Variants in JARID2 observed in about 807,000 individuals in gnomAD.
JARID2 encodes the protein protein Jumonji.
Under a neutral mutation model 125.6 loss-of-function variants are expected in JARID2, and 21 were observed. The ratio of observed to expected loss-of-function variants is 0.17; its 90% CI spans 0.12 to 0.24. JARID2 has a LOEUF of 0.24. JARID2 is among the 10% of genes least tolerant of loss of function. The pLI, the probability that JARID2 is intolerant of heterozygous loss-of-function variation, is 1.00. For synonymous variants in JARID2, 736 were observed against 661.6 expected, an observed-to-expected ratio of 1.11 and a Z score of -1.73; for missense variants, 1,303 against 1,639.6, an observed-to-expected ratio of 0.79 and a Z score of 3.55.
intron 1 of JARID2, among the ~76,000 whole-genome samples, chr6:15,253,437 C>T (rs1474812928): frequency 6.6e-6 from 1 of 151,890 alleles, no homozygotes; most frequent in Non-Finnish European, 1.5e-5. Context: ...TCATTTTGCT[C>T]TTGGTGGAAG....
chr6:15,415,311 T>C (rs987249675), intron 3 of JARID2, among the ~76,000 whole-genome samples: 1 of 152,216 alleles, frequency 6.6e-6, no homozygotes, highest in African/African-American at 2.4e-5. Context: ...TCATGGCCCG[T>C]TCCCAATGAG....
chr6:15,427,590 T>C (rs894133365), intron 3 of JARID2, among the ~76,000 whole-genome samples: 1 of 152,024 alleles, frequency 6.6e-6, no homozygotes, highest in African/African-American at 2.4e-5. Flanking sequence ...TTTTAAACAG[T>C]AACATTTTTG....
chr6:15,513,057 C>T lies in JARID2; in HGVS notation c.3266+12C>T, dbSNP rs993645634. The T allele has an allele frequency of 1.2e-6, 2 of 1,613,916 alleles. No individual in the cohort carries two copies. Among genetic ancestry groups the T allele is most frequent in the African/African-American group, 2.7e-5 (2 of 74,914 alleles). On this transcript the variant is annotated intron_variant, in intron 15 of 17. Transcript: ENST00000341776. ...CTGGATGAGCTCAGGTAACAGACCC[C>T]CAGAGCCCACGCCAGAGAGCTGGAC... is the stretch of plus-strand genomic sequence containing the variant.
intron 1 of JARID2, among the ~76,000 whole-genome samples, chr6:15,252,242 C>T (rs1759484687): frequency 1.3e-5 from 2 of 151,948 alleles, no homozygotes; most frequent in Non-Finnish European, 2.9e-5. Context: ...CCCATGGCCT[C>T]ATATCAAAAA....
At chr6:15,469,360 T>G (rs1561884719) in intron 5 of JARID2, among the ~76,000 whole-genome samples, 1 of 7,668 alleles carries the variant, frequency 1.3e-4, no homozygotes, top group Non-Finnish European at 2.7e-4. Flanking sequence ...TCTCTCTCTC[T>G]CCTCCCCTTC....
chr6:15,395,055 CAACA>C (rs938827127), intron 2 of JARID2, among the ~76,000 whole-genome samples: 9 of 151,982 alleles, frequency 5.9e-5, no homozygotes, highest in African/African-American at 1.4e-4. Flanking sequence ...TTGTATTAAC[CAACA>C]AACTAATTAT....
intron 3 of JARID2, among the ~76,000 whole-genome samples, chr6:15,428,257 C>CT (rs70996550): frequency 0.13 from 20,167 of 152,006 alleles, 1,513 homozygotes; most frequent in African/African-American, 0.18. Context: ...ATAGAATCTT[C>CT]TTTTTTTGTT....
chr6:15,479,866 C>T (rs549884009), intron 5 of JARID2, among the ~76,000 whole-genome samples: 1 of 152,310 alleles, frequency 6.6e-6, no homozygotes, highest in South Asian at 2.1e-4. Flanking sequence ...CGGGTTACAG[C>T]ACTCACACAT....
intron 2 of JARID2, among the ~76,000 whole-genome samples, chr6:15,392,702 G>C (rs1038746076): frequency 2.6e-5 from 3 of 114,078 alleles, no homozygotes; most frequent in Non-Finnish European, 5.2e-5. Flanking sequence ...TTTTTTTTGA[G>C]TCAGGGTTTC....
intron 1 of JARID2, among the ~76,000 whole-genome samples, chr6:15,369,014 A>G (rs536114549): frequency 3.9e-5 from 6 of 151,946 alleles, no homozygotes; most frequent in Non-Finnish European, 8.8e-5. Context: ...TGGAGTTGCA[A>G]CACTATGGAA....
At chr6:15,448,955 AT>A (rs963095585) in intron 3 of JARID2, among the ~76,000 whole-genome samples, 5 of 151,254 alleles carry the variant, frequency 3.3e-5, no homozygotes, top group Admixed American at 1.3e-4. Flanking sequence ...CCCTTGTTCT[AT>A]TTTTTTATGT....
intron 1 of JARID2, among the ~76,000 whole-genome samples, chr6:15,368,371 T>C (rs1380350061): frequency 6.6e-6 from 1 of 152,118 alleles, no homozygotes; most frequent in Admixed American, 6.6e-5. Flanking sequence ...ATGCAATACT[T>C]TTACTTACTT....
intron 1 of JARID2, among the ~76,000 whole-genome samples, chr6:15,264,879 T>C (rs1485531859): frequency 6.6e-6 from 1 of 152,174 alleles, no homozygotes. Context: ...ATGCAGAATA[T>C]TTCCCAATAA....
intron 1 of JARID2, among the ~76,000 whole-genome samples, chr6:15,364,976 G>GC (rs1259394070): frequency 6.6e-6 from 1 of 152,178 alleles, no homozygotes; most frequent in Non-Finnish European, 1.5e-5. Flanking sequence ...AGATTAGAAT[G>GC]TGGCATTTGG....
chr6:15,269,071 A>T (rs1460270087), intron 1 of JARID2, among the ~76,000 whole-genome samples: 1 of 152,190 alleles, frequency 6.6e-6, no homozygotes, highest in Non-Finnish European at 1.5e-5. Context: ...TTATCAAAAG[A>T]TGTGCTGAAC....
At chr6:15,450,056 AC>A (rs1767850373) in intron 3 of JARID2, among the ~76,000 whole-genome samples, 1 of 152,196 alleles carries the variant, frequency 6.6e-6, no homozygotes, top group Non-Finnish European at 1.5e-5. Context: ...TTTAAATGTT[AC>A]AGCATTTTGA....
intron 1 of JARID2, among the ~76,000 whole-genome samples, chr6:15,307,133 T>G (rs1366379050): frequency 6.6e-6 from 1 of 151,904 alleles, no homozygotes; most frequent in Non-Finnish European, 1.5e-5. Context: ...TCCCAGCTAC[T>G]CAGGAGGCTG....
In JARID2 at chr6:15,416,723, GGGGAGA is replaced by G. The variant is rs1010526253; in HGVS notation, c.323+6374_323+6379del. ...CCGTGGGGAGAGGGAGAGGGAGAGG[GGGGAGA>G]GGGAGAGGGAGAGGGGCTAACTTAT... On this transcript the variant is annotated intron_variant, in intron 3 of 17. Coordinates refer to ENST00000341776, the MANE Select transcript of JARID2 (RefSeq NM_004973.4). Among the ~76,000 whole-genome samples the G allele has an allele frequency of 8.2e-4, 124 of 150,834 alleles. 1 individual carries two copies. Among genetic ancestry groups the G allele is most frequent in the African/African-American group, 1.2e-3 (51 of 41,126 alleles).
chr6:15,391,426 A>C (rs1047132101), intron 2 of JARID2, among the ~76,000 whole-genome samples: 3 of 152,196 alleles, frequency 2.0e-5, no homozygotes, highest in African/African-American at 7.2e-5. Context: ...AATGGAGGCT[A>C]GATCTGTGCC....
Sources: allele counts gnomAD v4.1 joint callset (sites outside exome capture counted in the v4.1 genomes callset), GRCh38; gene constraint gnomAD v4.1.1; transcripts MANE v1.5; gene names NCBI Gene and HGNC (gene_info 2026-07-23, HGNC 2026-07-21).